Variants in ARHGAP11B observed in about 807,000 individuals in gnomAD.
ARHGAP11B encodes Rho GTPase activating protein 11B, also known as inactive Rho GTPase-activating protein 11B.
A neutral mutation model predicts 27.6 loss-of-function variants in ARHGAP11B; 14 were observed. That is an observed-to-expected ratio of 0.51 (90% confidence interval 0.34 to 0.79). The LOEUF (loss-of-function observed/expected upper bound fraction) is 0.79, where lower values mean the gene tolerates loss of function less well. Ranked by LOEUF, ARHGAP11B falls within the 30% of genes least tolerant of loss-of-function variation. The pLI, the probability that ARHGAP11B is intolerant of heterozygous loss-of-function variation, is 0.02. For missense variants in ARHGAP11B, 245 were observed against 320.1 expected, an observed-to-expected ratio of 0.77 and a Z score of 1.79; for synonymous variants, 82 against 114.1, an observed-to-expected ratio of 0.72 and a Z score of 1.80.
intron 1 of ARHGAP11B, 73 bp downstream of exon 1, chr15:30,627,022 T>G (rs2060213477): frequency 6.3e-7 from 1 of 1,593,184 alleles, no homozygotes; most frequent in African/African-American, 1.3e-5. Context: ...TAGCAGATCG[T>G]GCTAAAATGT....
chr15:30,630,552 C>T, intron 1 of ARHGAP11B, 151 bp from the exon 2 acceptor site: 1 of 1,408,948 alleles, frequency 7.1e-7, no homozygotes, highest in Non-Finnish European at 9.6e-7. Flanking sequence ...TTATCAAATG[C>T]ACTTGAAATG....
At chr15:30,644,533 A>C (rs2060334655) in intron 7 of ARHGAP11B, 1 of 634,614 alleles carries the variant, frequency 1.6e-6, no homozygotes, top group African/African-American at 1.8e-5. Flanking sequence ...AATTTTACAC[A>C]TTCTTTTTTT....
rs552866748 is a variant in ARHGAP11B, at chr15:30,644,262, T to C, written c.*79-377T>C. Among the ~76,000 whole-genome samples the C allele has an allele frequency of 2.0e-5, 3 of 152,196 alleles. No individual in the cohort carries two copies. The East Asian group carries it at 5.8e-4, about 29-fold the overall frequency. On this transcript the variant is annotated intron_variant, in intron 7 of 10. Coordinates refer to ENST00000428041, the Ensembl canonical transcript of ARHGAP11B. ...GAATGTCAGCTCTCTGAAAATAGGATTGTGTCTTTTATATTTTTGTATCCC... is the reference window on the plus strand; with the variant it reads ...GAATGTCAGCTCTCTGAAAATAGGACTGTGTCTTTTATATTTTTGTATCCC...
intron 1 of ARHGAP11B, among the ~76,000 whole-genome samples, chr15:30,627,172 A>G (rs1488248976): frequency 1.3e-5 from 2 of 151,880 alleles, no homozygotes; most frequent in Non-Finnish European, 2.9e-5. Flanking sequence ...GGATTTTCCA[A>G]CTTCAGCACT....
In ARHGAP11B at chr15:30,630,778, G is replaced by A; in HGVS notation, c.200+5G>A. ...AGAATATGGACACATTCCAAGGTAA[G>A]CAGAGTTTGAAATGAAGAAGGCCGG... On this transcript the variant is annotated splice_donor_5th_base_variant and intron_variant, in intron 2 of 10. Coordinates refer to ENST00000428041, the Ensembl canonical transcript of ARHGAP11B. The A allele has an allele frequency of 1.2e-6, 2 of 1,606,578 alleles. No individual in the cohort carries two copies. Among genetic ancestry groups the A allele is most frequent in the South Asian group, 1.1e-5 (1 of 90,136 alleles).
chr15:30,641,915 C>T (rs192608001), intron 7 of ARHGAP11B, among the ~76,000 whole-genome samples: 1 of 151,968 alleles, frequency 6.6e-6, no homozygotes, highest in Non-Finnish European at 1.5e-5. Flanking sequence ...TGGGATTTCA[C>T]CATGTTGGCC....
intron 7 of ARHGAP11B, chr15:30,644,512 T>A: frequency 1.7e-6 from 1 of 572,950 alleles, no homozygotes. Flanking sequence ...TTCTTATTGT[T>A]TTTGGTAACA....
intron 7 of ARHGAP11B, among the ~76,000 whole-genome samples, chr15:30,641,939 C>T (rs2060318376): frequency 6.6e-6 from 1 of 151,906 alleles, no homozygotes. Context: ...CTCGTTTGAA[C>T]TCCTGGCCTC....
At chr15:30,630,740 A>G (rs1387377818) in exon 2 of ARHGAP11B, 10 of 1,611,998 alleles carry the variant, frequency 6.2e-6, no homozygotes, top group Non-Finnish European at 7.6e-6. Flanking sequence ...GCACTGCCCC[A>G]TTCTGCTGTA....
intron 1 of ARHGAP11B, among the ~76,000 whole-genome samples, chr15:30,627,404 G>GA (rs1275090220): frequency 6.6e-6 from 1 of 152,010 alleles, no homozygotes; most frequent in African/African-American, 2.4e-5. Flanking sequence ...CCTTGTTTTA[G>GA]AGTAAGGTTG....
chr15:30,628,149 T>C (rs1026054495), intron 1 of ARHGAP11B, among the ~76,000 whole-genome samples: 3 of 151,606 alleles, frequency 2.0e-5, no homozygotes, highest in Admixed American at 1.3e-4. Flanking sequence ...GGCGCGATCT[T>C]GGCTCACTGC....
At chr15:30,634,126 C>T in intron 3 of ARHGAP11B, 44 bp from the exon 4 acceptor site, 1 of 1,604,668 alleles carries the variant, frequency 6.2e-7, no homozygotes, top group Non-Finnish European at 8.5e-7. Context: ...TTGCAATAAA[C>T]TCTTAAGTTG....
chr15:30,627,689 G>T (rs1208149692), intron 1 of ARHGAP11B, among the ~76,000 whole-genome samples: 1 of 151,908 alleles, frequency 6.6e-6, no homozygotes, highest in African/African-American at 2.4e-5. Context: ...ACATAATCAG[G>T]AATTGCATTG....
chr15:30,633,820 GT>G (rs2060261095), intron 3 of ARHGAP11B, among the ~76,000 whole-genome samples: 1 of 151,008 alleles, frequency 6.6e-6, no homozygotes, highest in Non-Finnish European at 1.5e-5. Flanking sequence ...CAAGTATTAT[GT>G]AAAATGAAAA....
chr15:30,628,933 A>C (rs909074664), intron 1 of ARHGAP11B, among the ~76,000 whole-genome samples: 12 of 151,950 alleles, frequency 7.9e-5, no homozygotes, highest in Admixed American at 5.9e-4. Context: ...AAGTAGACTT[A>C]CCAGCCTAAG....
chr15:30,643,280 C>CTTTTT (rs796664136), intron 7 of ARHGAP11B, among the ~76,000 whole-genome samples: 1 of 133,946 alleles, frequency 7.5e-6, no homozygotes, highest in South Asian at 2.4e-4. Flanking sequence ...TGACAGTTTT[C>CTTTTT]TTTTTTTTTT....
At chr15:30,646,660 CAA>C (rs35561316) in intron 9 of ARHGAP11B, among the ~76,000 whole-genome samples, 8 of 107,480 alleles carry the variant, frequency 7.4e-5, no homozygotes, top group Admixed American at 9.4e-5. Flanking sequence ...GACTCCGTCT[CAA>C]AAAAAAAAAA....
At chr15:30,645,101 G>T (rs972347534) in intron 8 of ARHGAP11B, among the ~76,000 whole-genome samples, 2 of 151,946 alleles carry the variant, frequency 1.3e-5, no homozygotes, top group African/African-American at 4.8e-5. Flanking sequence ...TTGAGAACGG[G>T]ACTAGGTGGT....
At chr15:30,635,604 A>G in exon 6 of ARHGAP11B, 1 of 1,613,582 alleles carries the variant, frequency 6.2e-7, no homozygotes, top group Non-Finnish European at 8.5e-7. Context: ...CCTGGTGAAT[A>G]TAAGAGAAAG....
Sources: gnomAD v4.1 joint callset for allele counts (sites outside exome capture counted in the v4.1 genomes callset) on GRCh38, gnomAD v4.1.1 for gene constraint, MANE v1.5 for transcripts, NCBI Gene and HGNC (gene_info 2026-07-23, HGNC 2026-07-21) for gene names.